Variants in MTUS1 observed in about 807,000 individuals in gnomAD.
The protein encoded by MTUS1 is microtubule associated scaffold protein 1, also known as microtubule-associated tumor suppressor 1.
A neutral mutation model predicts 120.8 loss-of-function variants in MTUS1; 109 were observed. The observed-to-expected ratio is 0.90, with a 90% CI of 0.77 to 1.06. The LOEUF (loss-of-function observed/expected upper bound fraction) is 1.06. MTUS1 is among the 50% of genes least tolerant of loss of function. The pLI is 0.00. For missense variants in MTUS1, 2,210 were observed against 1,486.3 expected (o/e 1.49, Z -8.01); for synonymous variants, 737 against 550.5 (o/e 1.34, Z -4.74).
chr8:17,728,280 T>A (rs933899164), intron 3 of MTUS1, among the ~76,000 whole-genome samples: 6 of 152,068 alleles, frequency 3.9e-5, no homozygotes, highest in Admixed American at 6.6e-5. Context: ...CCCGGCTAAT[T>A]TTTTTGTATT....
At chr8:17,699,010 C>T (rs1016773007) in intron 6 of MTUS1, among the ~76,000 whole-genome samples, 3 of 152,082 alleles carry the variant, frequency 2.0e-5, no homozygotes, top group Non-Finnish European at 1.5e-5. Flanking sequence ...TAAAAATATA[C>T]CAGAACCTTT....
intron 1 of MTUS1, among the ~76,000 whole-genome samples, chr8:17,759,107 T>C (rs2048846964): frequency 6.6e-6 from 1 of 151,728 alleles, no homozygotes; most frequent in Admixed American, 6.6e-5. Flanking sequence ...GGTCTTGATC[T>C]CCTGACCTCG....
chr8:17,762,935 A>C (rs1341171886), intron 1 of MTUS1, among the ~76,000 whole-genome samples: 3 of 151,670 alleles, frequency 2.0e-5, no homozygotes, highest in Non-Finnish European at 4.4e-5. Flanking sequence ...ACACCTGTCC[A>C]GTTGACCAGA....
intron 8 of MTUS1, among the ~76,000 whole-genome samples, chr8:17,657,849 A>T (rs1205576816): frequency 6.7e-6 from 1 of 150,102 alleles, no homozygotes. Context: ...AAAAAAATTT[A>T]TATATGTATA....
chr8:17,781,581 G>C (rs1418400192), intron 1 of MTUS1, among the ~76,000 whole-genome samples: 3 of 152,142 alleles, frequency 2.0e-5, no homozygotes, highest in Admixed American at 6.6e-5. Flanking sequence ...CTCATAAAAT[G>C]ACTAACTTCA....
At position 17,715,904 on chromosome 8, in the gene MTUS1, G is replaced by A. The variant is rs370761021; in HGVS notation, c.2450-3C>T. 3.4e-5 allele frequency: 54 copies of A among 1,606,360 alleles called. 1 individual carries two copies. The Middle Eastern group carries it at 8.3e-4, about 25-fold the overall frequency. On this transcript the variant is annotated splice_polypyrimidine_tract_variant and splice_region_variant and intron_variant, in intron 4 of 14. Coordinates refer to ENST00000693296, the MANE Select transcript of MTUS1 (RefSeq NM_001363059.2). Reference sequence around the variant, plus strand: ...TTTGATGACAGCGGCATTACCAGCTGTAATAAAACAGAAAAGTACATTTTA... The same window carrying A: ...TTTGATGACAGCGGCATTACCAGCTATAATAAAACAGAAAAGTACATTTTA...
chr8:17,779,218 C>T (rs1290587935), intron 1 of MTUS1, among the ~76,000 whole-genome samples: 3 of 152,132 alleles, frequency 2.0e-5, no homozygotes, highest in African/African-American at 4.8e-5. Context: ...CAACATGTGA[C>T]GGGTGGTTAC....
rs1454002706 is a variant in MTUS1, at chr8:17,669,786, A to C, written c.2905+5400T>G. Among the ~76,000 whole-genome samples the C allele has an allele frequency of 3.3e-5, 5 of 152,290 alleles. No individual in the cohort carries two copies. In the East Asian group the frequency reaches 9.6e-4, roughly 29 times the overall value. ...CATGAATCCAGGAGGTGGAGGTTGC[A>C]GTGACCCAAGATCATGCCACTGCAC... On this transcript the variant is annotated intron_variant, in intron 8 of 14. Coordinates refer to ENST00000693296, the MANE Select transcript of MTUS1 (RefSeq NM_001363059.2).
intron 6 of MTUS1, among the ~76,000 whole-genome samples, 198 bp from the exon 7 acceptor site, chr8:17,684,740 T>C (rs1475921799): frequency 6.6e-6 from 1 of 152,194 alleles, no homozygotes; most frequent in Non-Finnish European, 1.5e-5. Flanking sequence ...CGTGGCTTCA[T>C]TTATGACTTT....
At chr8:17,747,702 C>A (rs560454822) in intron 2 of MTUS1, among the ~76,000 whole-genome samples, 19 of 152,320 alleles carry the variant, frequency 1.2e-4, no homozygotes, top group African/African-American at 3.8e-4. Flanking sequence ...AGACCCCAGA[C>A]TCACTTGGTA....
chr8:17,682,905 CAACTTCCCCTCAAAAAAAACAAA>C (rs1368325141), intron 7 of MTUS1, among the ~76,000 whole-genome samples: 1 of 140,284 alleles, frequency 7.1e-6, no homozygotes, highest in Non-Finnish European at 1.5e-5. Flanking sequence ...AAGTAGTCTC[CAACTTCCCCTCAAAAAAAACAAA>C]AACAAAAACA....
chr8:17,725,219 C>T (rs970662693), intron 3 of MTUS1, among the ~76,000 whole-genome samples: 4 of 152,118 alleles, frequency 2.6e-5, no homozygotes, highest in Non-Finnish European at 5.9e-5. Context: ...GACATTGTTG[C>T]GTATCACTAA....
At chr8:17,796,409 T>C (rs2052243216) in intron 1 of MTUS1, among the ~76,000 whole-genome samples, 1 of 28,958 alleles carries the variant, frequency 3.5e-5, no homozygotes, top group Non-Finnish European at 8.0e-5. Flanking sequence ...AATACGTACT[T>C]CTAAAGTACC....
chr8:17,759,788 G>A (rs937458926), intron 1 of MTUS1, among the ~76,000 whole-genome samples: 2 of 151,522 alleles, frequency 1.3e-5, no homozygotes, highest in African/African-American at 2.4e-5. Flanking sequence ...CGCCACTAAA[G>A]TTAAGGTTAA....
At chr8:17,660,530 A>G (rs565492829) in intron 8 of MTUS1, among the ~76,000 whole-genome samples, 32 of 152,242 alleles carry the variant, frequency 2.1e-4, no homozygotes, top group Admixed American at 1.4e-3. Flanking sequence ...CCTGCTTTCA[A>G]TTCTTTGGTG....
intron 1 of MTUS1, among the ~76,000 whole-genome samples, chr8:17,785,467 T>A (rs1408106110): frequency 6.6e-6 from 1 of 152,202 alleles, no homozygotes; most frequent in African/African-American, 2.4e-5. Context: ...AGAGACAGCA[T>A]GGGGATGTCA....
intron 6 of MTUS1, among the ~76,000 whole-genome samples, chr8:17,707,551 A>G (rs1036751255): frequency 6.6e-6 from 1 of 152,222 alleles, no homozygotes; most frequent in Non-Finnish European, 1.5e-5. Context: ...AGAGTCATCT[A>G]TAGATTCAAT....
chr8:17,739,506 A>C (rs146160964), intron 3 of MTUS1, among the ~76,000 whole-genome samples: 2,463 of 152,114 alleles, frequency 0.016, 72 homozygotes, highest in African/African-American at 0.056. Flanking sequence ...TAAATAAATA[A>C]ATAAATAAAT....
rs1429173906 is a variant in MTUS1, at chr8:17,769,631, G to C, written c.-154-13670C>G. Among the ~76,000 whole-genome samples the C allele has an allele frequency of 3.3e-5, 5 of 152,170 alleles. No homozygotes were observed. The East Asian group carries it at 9.7e-4, about 29-fold the overall frequency. Reference sequence around the variant, plus strand: ...CAAAGTGCTGGGATTACAGGCGTGAGCCACCCGCGCCCGGCCCTTAGTCAG... The same window carrying C: ...CAAAGTGCTGGGATTACAGGCGTGACCCACCCGCGCCCGGCCCTTAGTCAG... On this transcript the variant is annotated intron_variant, in intron 1 of 14. Coordinates refer to ENST00000693296, the MANE Select transcript of MTUS1 (RefSeq NM_001363059.2).
Sources: allele counts gnomAD v4.1 joint callset (sites outside exome capture counted in the v4.1 genomes callset), GRCh38; gene constraint gnomAD v4.1.1; transcripts MANE v1.5; gene names NCBI Gene and HGNC (gene_info 2026-07-23, HGNC 2026-07-21).